The following KCNB2 variants were observed in gnomAD, a reference collection of about 807,000 sequenced individuals.
KCNB2 encodes the protein potassium voltage-gated channel subfamily B member 2.
Under a neutral mutation model 61.5 loss-of-function variants are expected in KCNB2, and 15 were observed. The observed-to-expected ratio is 0.24, with a 90% CI of 0.16 to 0.38. KCNB2 has a LOEUF of 0.38. Ranked by LOEUF, KCNB2 falls within the 10% of genes least tolerant of loss-of-function variation. KCNB2 has a pLI of 1.00. For missense variants in KCNB2, 828 were observed against 1,125.2 expected (o/e 0.74, Z 3.78); for synonymous variants, 457 against 446.0 (o/e 1.02, Z -0.31).
intron 2 of KCNB2, among the ~76,000 whole-genome samples, chr8:72,836,832 C>A (rs1430478495): frequency 6.6e-6 from 1 of 152,104 alleles, no homozygotes; most frequent in Non-Finnish European, 1.5e-5. Context: ...AATCCTGGAA[C>A]CCAGGAAGTT....
intron 2 of KCNB2, among the ~76,000 whole-genome samples, chr8:72,893,788 G>T (rs750442032): frequency 1.3e-5 from 2 of 152,206 alleles, no homozygotes; most frequent in South Asian, 2.1e-4. Flanking sequence ...GAATTGATTT[G>T]CTACATAGCC....
intron 2 of KCNB2, among the ~76,000 whole-genome samples, chr8:72,604,833 T>A (rs539824067): frequency 3.9e-5 from 6 of 152,360 alleles, no homozygotes; most frequent in South Asian, 2.1e-4. Context: ...CATGATTTTT[T>A]AAAAATGTAT....
At chr8:72,658,881 C>T (rs745624533) in intron 2 of KCNB2, among the ~76,000 whole-genome samples, 1 of 152,262 alleles carries the variant, frequency 6.6e-6, no homozygotes, top group East Asian at 1.9e-4. Flanking sequence ...TGTTGAGGCT[C>T]ACTGCTCAGA....
chr8:72,927,699 T>C (rs537887013), intron 2 of KCNB2, among the ~76,000 whole-genome samples: 70 of 152,376 alleles, frequency 4.6e-4, no homozygotes, highest in African/African-American at 1.6e-3. Context: ...ATTCACGTTA[T>C]AGTCTCTTGA....
At chr8:72,887,205 C>G (rs980299669) in intron 2 of KCNB2, among the ~76,000 whole-genome samples, 2 of 152,190 alleles carry the variant, frequency 1.3e-5, no homozygotes, top group African/African-American at 4.8e-5. Flanking sequence ...CATTCCATCC[C>G]AGAATGGCCT....
At chr8:72,907,859 G>T (rs13262045) in intron 2 of KCNB2, among the ~76,000 whole-genome samples, 1 of 151,858 alleles carries the variant, frequency 6.6e-6, no homozygotes, top group Non-Finnish European at 1.5e-5. Context: ...TATATAATAA[G>T]TTTTACAACC....
chr8:72,560,755 A>G lies in KCNB2; in HGVS notation c.-93-6887A>G, dbSNP rs750272452. On this transcript the variant is annotated intron_variant, in intron 1 of 2. Coordinates refer to ENST00000523207, the MANE Select transcript of KCNB2 (RefSeq NM_004770.3). ...CAGCCATCACTATACCTTGTAGTCTATAAAAGGTCCAAGATGCTTTATAAT... is the reference window on the plus strand; with the variant it reads ...CAGCCATCACTATACCTTGTAGTCTGTAAAAGGTCCAAGATGCTTTATAAT... Among the ~76,000 whole-genome samples, 9 of 152,330 alleles carry G rather than the reference A, an allele frequency of 5.9e-5. No homozygotes were observed. The South Asian group carries it at 6.2e-4, about 11-fold the overall frequency.
chr8:72,636,516 A>G (rs1805969340), intron 2 of KCNB2, among the ~76,000 whole-genome samples: 1 of 152,122 alleles, frequency 6.6e-6, no homozygotes, highest in Non-Finnish European at 1.5e-5. Flanking sequence ...AGTGCTTTTT[A>G]CTTTATCTCA....
chr8:72,783,323 C>A (rs2128998093), intron 2 of KCNB2, among the ~76,000 whole-genome samples: 1 of 152,210 alleles, frequency 6.6e-6, no homozygotes, highest in East Asian at 1.9e-4. Flanking sequence ...TAACCCCTTA[C>A]CCCAGGCTAC....
intron 2 of KCNB2, among the ~76,000 whole-genome samples, chr8:72,722,215 A>AT (rs1318895115): frequency 1.3e-5 from 2 of 151,750 alleles, no homozygotes; most frequent in African/African-American, 4.8e-5. Flanking sequence ...CTCCTCACCA[A>AT]CCTTCCTGCA....
chr8:72,653,829 T>A (rs1233885236), intron 2 of KCNB2, among the ~76,000 whole-genome samples: 1 of 152,226 alleles, frequency 6.6e-6, no homozygotes, highest in African/African-American at 2.4e-5. Flanking sequence ...TTATGTTATA[T>A]ACTTGTTGAA....
intron 2 of KCNB2, among the ~76,000 whole-genome samples, chr8:72,646,495 G>A (rs78077518): frequency 6.6e-6 from 1 of 151,982 alleles, no homozygotes; most frequent in African/African-American, 2.4e-5. Flanking sequence ...TCAGACAAGG[G>A]TTATACTTCC....
intron 2 of KCNB2, among the ~76,000 whole-genome samples, chr8:72,786,820 A>T (rs1808852110): frequency 6.6e-6 from 1 of 152,206 alleles, no homozygotes; most frequent in Admixed American, 6.5e-5. Context: ...AATAATAATC[A>T]TTGGAAAAAG....
chr8:72,570,516 A>T (rs1236643755), intron 2 of KCNB2, among the ~76,000 whole-genome samples: 2 of 151,444 alleles, frequency 1.3e-5, no homozygotes, highest in East Asian at 3.9e-4. Flanking sequence ...GCTCTGTGTG[A>T]TGTCTTATAT....
intron 1 of KCNB2, among the ~76,000 whole-genome samples, chr8:72,561,776 TGG>T (rs72314764): frequency 0.23 from 6,062 of 26,052 alleles, 1,430 homozygotes; most frequent in Non-Finnish European, 0.27. Context: ...TATATATATA[TGG>T]ATATATATAT....
intron 2 of KCNB2, among the ~76,000 whole-genome samples, chr8:72,850,848 C>G (rs1219850117): frequency 6.6e-6 from 1 of 152,166 alleles, no homozygotes; most frequent in African/African-American, 2.4e-5. Flanking sequence ...ATAAGACAGA[C>G]TTCTGTATGA....
rs183892109 is a variant in KCNB2, at chr8:72,740,578, A to C, written c.579+172265A>C. Among the ~76,000 whole-genome samples, 126 of 152,318 alleles carry C rather than the reference A, an allele frequency of 8.3e-4. 1 individual carries two copies. The highest frequency in any genetic ancestry group is 3.0e-3 in the African/African-American group (126 of 41,572). The stretch of plus-strand genomic sequence containing the variant: ...TGGGGAAAAGATGAGAGGCCCATGA[A>C]CAAATGGCTGCCAAAAGGAAGGGGC... On this transcript the variant is annotated intron_variant, in intron 2 of 2. Transcript: ENST00000523207.
At position 72,831,079 on chromosome 8, in the gene KCNB2, C is replaced by A. The variant is rs183217236; in HGVS notation, c.580-104856C>A. On this transcript the variant is annotated intron_variant, in intron 2 of 2. Transcript: ENST00000523207. The stretch of plus-strand genomic sequence containing the variant: ...AAGCCCTCTTAACCTTCTGCTTTAA[C>A]AACTACTCAGATTGGCCTTGCGCCT... 2.2e-3 allele frequency among the ~76,000 whole-genome samples: 340 copies of A among 152,348 alleles called. 3 individuals are homozygous for A. Among genetic ancestry groups the A allele is most frequent in the African/African-American group, 7.6e-3 (318 of 41,578 alleles).
At chr8:72,719,557 A>T (rs969409852) in intron 2 of KCNB2, among the ~76,000 whole-genome samples, 2 of 151,888 alleles carry the variant, frequency 1.3e-5, no homozygotes, top group Admixed American at 6.6e-5. Context: ...TATGTATATT[A>T]AAAAAAACTC....
Sources: allele counts gnomAD v4.1 joint callset (sites outside exome capture counted in the v4.1 genomes callset), GRCh38; gene constraint gnomAD v4.1.1; transcripts MANE v1.5; gene names NCBI Gene and HGNC (gene_info 2026-07-23, HGNC 2026-07-21).